The following PHF19 variants were observed in gnomAD, a reference collection of about 807,000 sequenced individuals.
The protein encoded by PHF19 is PHD finger protein 19, also known as polycomb like 3.
A neutral mutation model predicts 79.8 loss-of-function variants in PHF19; 21 were observed. That is an observed-to-expected ratio of 0.26 (90% CI 0.19 to 0.38). The LOEUF (loss-of-function observed/expected upper bound fraction) is 0.38, where lower values mean the gene tolerates loss of function less well. Among genes scored for constraint, PHF19 ranks in the 10% least tolerant of loss-of-function variants. PHF19 has a pLI of 1.00. For synonymous variants in PHF19, 273 were observed against 296.3 expected, an observed-to-expected ratio of 0.92 and a Z score of 0.81; for missense variants, 445 against 744.2, an observed-to-expected ratio of 0.60 and a Z score of 4.68.
At chr9:120,858,811 TCACA>T (rs56042039) in intron 14 of PHF19, among the ~76,000 whole-genome samples, 3,926 of 122,856 alleles carry the variant, frequency 0.032, 155 homozygotes, top group African/African-American at 0.098. Flanking sequence ...CTGACAGACA[TCACA>T]CACACACACA....
chr9:120,882,944 G>T (rs1464427337), intron 1 of PHF19, among the ~76,000 whole-genome samples: 5 of 152,062 alleles, frequency 3.3e-5, no homozygotes, highest in African/African-American at 1.2e-4. Flanking sequence ...TTATTATGCA[G>T]GTGACCAGTT....
chr9:120,865,032 A>T (rs1298448372), intron 9 of PHF19, among the ~76,000 whole-genome samples: 1 of 152,226 alleles, frequency 6.6e-6, no homozygotes, highest in Non-Finnish European at 1.5e-5. Flanking sequence ...TTTTTAAAAA[A>T]ATTATCAAAT....
At chr9:120,899,840 G>A (rs192982950), upstream of PHF19, among the ~76,000 whole-genome samples, 1 of 152,322 alleles carries the variant, frequency 6.6e-6, no homozygotes, top group Admixed American at 6.5e-5. Context: ...AGTTCCCCCA[G>A]GGTGAGTCCC....
At chr9:120,876,340 G>T (rs1444006645) in intron 1 of PHF19, 5 of 152,222 alleles carry the variant, frequency 3.3e-5, no homozygotes, top group Admixed American at 3.3e-4. Flanking sequence ...GGCCAGGCCG[G>T]GGCCGCTGCA....
intron 10 of PHF19, chr9:120,863,082 C>G (rs2045583487): frequency 3.4e-6 from 1 of 296,428 alleles, no homozygotes; most frequent in South Asian, 3.7e-5. Flanking sequence ...GGTCAAGATA[C>G]TGGAATCTAC....
intron 1 of PHF19, among the ~76,000 whole-genome samples, chr9:120,875,624 G>A (rs1188697441): frequency 6.6e-6 from 1 of 152,126 alleles, no homozygotes; most frequent in Admixed American, 6.5e-5. Context: ...CTCATCTTTT[G>A]CTTGGGCCAT....
chr9:120,866,138 C>CT lies in PHF19; in HGVS notation c.711-43dup. 7.3e-7 allele frequency: 1 copy of CT among 1,367,000 alleles called. No homozygotes were observed. 84.7% of individuals were successfully genotyped at this position (1,367,000 alleles called of 1,614,324 possible). On this transcript the variant is annotated intron_variant, in intron 7 of 14. Transcript: ENST00000373896. The surrounding 1 kb of genome is among the most constrained non-coding windows in gnomAD (Gnocchi z 5.2). Reference sequence around the variant, plus strand: ...ACGGGGGCCTATGGTGGGAGGGGCTCTGACACCCCCACCCCAGTCCAGCCC... The same window carrying CT: ...ACGGGGGCCTATGGTGGGAGGGGCTCTTGACACCCCCACCCCAGTCCAGCCC...
upstream of PHF19, chr9:120,877,441 GCC>G (rs2046101004): frequency 8.2e-6 from 6 of 728,070 alleles, no homozygotes; most frequent in East Asian, 1.4e-4. Context: ...GCCCCCGCCC[GCC>G]CCCGCCCGCC....
intron 10 of PHF19, chr9:120,863,034 G>A: frequency 2.5e-6 from 1 of 396,092 alleles, no homozygotes; most frequent in East Asian, 5.3e-5. Flanking sequence ...GCCACCTCCT[G>A]CAGGAAGCCC....
At chr9:120,897,797 G>A (rs2046414291), upstream of PHF19, among the ~76,000 whole-genome samples, 2 of 151,862 alleles carry the variant, frequency 1.3e-5, no homozygotes, top group Admixed American at 6.6e-5. Context: ...TGGCCAACGT[G>A]GTGAAACCCC....
At chr9:120,903,219 G>A in the PHF19 span, 1 of 152,242 alleles carries the variant, frequency 6.6e-6, no homozygotes, top group Non-Finnish European at 1.5e-5. Context: ...ATAAAAAGCA[G>A]CCCCAGAATG....
At chr9:120,883,451 C>G (rs568863565) in intron 1 of PHF19, among the ~76,000 whole-genome samples, 19 of 152,194 alleles carry the variant, frequency 1.2e-4, no homozygotes, top group Non-Finnish European at 2.8e-4. Flanking sequence ...AAGATGCAGC[C>G]TTTGATCTCA....
Position 120,861,993 on chromosome 9 carries a change from G to C in PHF19, c.1143C>G (p.His381Gln). 1 of 1,613,182 alleles carries C rather than the reference G, an allele frequency of 6.2e-7. No individual in the cohort carries two copies. Among genetic ancestry groups the C allele is most frequent in the Non-Finnish European group, 8.5e-7 (1 of 1,179,092 alleles). Residue 381 changes from histidine to glutamine, a missense_variant, in exon 12 of 15, where the codon CAC becomes CAG. Physicochemically the swap from His to Gln is conservative, Grantham distance 24. Transcript: ENST00000373896. ...CTCGCCTTTTCTGCTGCTGGAATTC[G>C]TGAGGCAACAAACTGTGGAGACAGA... Reference protein sequence around the residue: ...RGKSKPGLLPHEFQQQKRRVY... With the variant: ...RGKSKPGLLPQEFQQQKRRVY...
chr9:120,885,943 A>G (rs142372239), intron 1 of PHF19, among the ~76,000 whole-genome samples: 122 of 152,306 alleles, frequency 8.0e-4, no homozygotes, highest in African/African-American at 2.8e-3. Flanking sequence ...TTTAAAGCTA[A>G]TCTTCACTCT....
At chr9:120,883,939 A>G (rs966437157) in intron 1 of PHF19, among the ~76,000 whole-genome samples, 13 of 152,098 alleles carry the variant, frequency 8.5e-5, no homozygotes, top group Admixed American at 2.0e-4. Flanking sequence ...ATTTGATTCT[A>G]TGAACTCAGT....
chr9:120,885,509 C>T (rs999632438), intron 1 of PHF19, among the ~76,000 whole-genome samples: 9 of 149,084 alleles, frequency 6.0e-5, no homozygotes, highest in East Asian at 4.0e-4. Flanking sequence ...ACCCAGGAGG[C>T]GGAGGTTGCA....
upstream of PHF19, among the ~76,000 whole-genome samples, chr9:120,878,166 GAC>G (rs2046119488): frequency 6.6e-6 from 1 of 152,172 alleles, no homozygotes; most frequent in African/African-American, 2.4e-5. Flanking sequence ...ATTGCGTAGA[GAC>G]ACAGTGCACA....
chr9:120,871,458 G>A (rs2045891989), intron 3 of PHF19, among the ~76,000 whole-genome samples: 1 of 152,160 alleles, frequency 6.6e-6, no homozygotes, highest in African/African-American at 2.4e-5. Context: ...TTCAGTTAAT[G>A]TTCTCATTTC....
upstream of PHF19, among the ~76,000 whole-genome samples, chr9:120,879,724 T>C (rs2046151316): frequency 6.6e-6 from 1 of 152,142 alleles, no homozygotes; most frequent in Non-Finnish European, 1.5e-5. Context: ...AGAGAACAAG[T>C]TTCCCGGAAA....
Sources: allele counts gnomAD v4.1 joint callset (sites outside exome capture counted in the v4.1 genomes callset), GRCh38; gene constraint gnomAD v4.1.1; non-coding constraint Gnocchi (gnomAD v3.1); transcripts MANE v1.5; gene names NCBI Gene and HGNC (gene_info 2026-07-23, HGNC 2026-07-21).